The following RUBCN variants were observed in gnomAD, a reference collection of about 807,000 sequenced individuals.
The protein encoded by RUBCN is run domain Beclin-1-interacting and cysteine-rich domain-containing protein.
In RUBCN, 74 loss-of-function variants were observed where a neutral mutation model predicts 113.2. The ratio of observed to expected loss-of-function variants is 0.65; its 90% CI spans 0.54 to 0.79. RUBCN has a LOEUF of 0.79. RUBCN is among the 30% of genes least tolerant of loss of function. The pLI is 0.00. For synonymous variants in RUBCN, 480 were observed against 490.0 expected, an observed-to-expected ratio of 0.98 and a Z score of 0.27; for missense variants, 1,109 against 1,251.7, an observed-to-expected ratio of 0.89 and a Z score of 1.72.
intron 2 of RUBCN, among the ~76,000 whole-genome samples, chr3:197,711,561 A>G (rs2108939021): frequency 6.6e-6 from 1 of 152,290 alleles, no homozygotes; most frequent in South Asian, 2.1e-4. Flanking sequence ...AGGGCTGGGC[A>G]TGGTGGCTCA....
At chr3:197,718,174 T>C (rs759758220) in intron 1 of RUBCN, 44 bp from the exon 2 acceptor site, 1 of 1,609,166 alleles carries the variant, frequency 6.2e-7, no homozygotes, top group Non-Finnish European at 8.5e-7. Flanking sequence ...ACCTTTGCTG[T>C]ACTTGATCCT....
chr3:197,692,633 A>T (rs1398211863), intron 11 of RUBCN, among the ~76,000 whole-genome samples: 1 of 152,096 alleles, frequency 6.6e-6, no homozygotes, highest in Non-Finnish European at 1.5e-5. Flanking sequence ...ATTGGAGAGG[A>T]GTTGGAAAAT....
upstream of RUBCN, among the ~76,000 whole-genome samples, chr3:197,740,182 A>G (rs1410889393): frequency 6.6e-6 from 1 of 152,168 alleles, no homozygotes; most frequent in African/African-American, 2.4e-5. Context: ...TGCACTAGCC[A>G]TGCGTTACCT....
chr3:197,749,811 T>C (rs28373227), upstream of RUBCN: 2,241 of 474,758 alleles, frequency 4.7e-3, 28 homozygotes, highest in African/African-American at 0.04. Context: ...CGCCCGCGAG[T>C]GTCGGTGGCC....
At chr3:197,720,999 G>A (rs1156576891) in intron 1 of RUBCN, among the ~76,000 whole-genome samples, 1 of 151,838 alleles carries the variant, frequency 6.6e-6, no homozygotes, top group East Asian at 1.9e-4. Flanking sequence ...TTAATGTGCA[G>A]CGATTAGATT....
At chr3:197,696,817 G>T (rs1371347697) in intron 8 of RUBCN, 137 bp downstream of exon 8, 4 of 666,658 alleles carry the variant, frequency 6.0e-6, no homozygotes, top group Admixed American at 4.3e-5. Context: ...GGTTAAAAAT[G>T]ACAAAAGAGT....
intron 2 of RUBCN, among the ~76,000 whole-genome samples, chr3:197,717,443 C>CAAA (rs375835905): frequency 1.6e-5 from 2 of 124,258 alleles, no homozygotes; most frequent in African/African-American, 5.8e-5. Flanking sequence ...GACTCCGTCT[C>CAAA]AAAAAAAAAA....
In RUBCN at chr3:197,708,875, T is replaced by C. The variant is rs190380144; in HGVS notation, c.220-3700A>G. Among the ~76,000 whole-genome samples, 205 of 152,206 alleles carry C rather than the reference T, an allele frequency of 1.3e-3. 1 individual carries two copies. Among genetic ancestry groups the C allele is most frequent in the African/African-American group, 4.8e-3 (200 of 41,532 alleles). ...AGTAAAGGTAAGTCACTATAAAGAG[T>C]TGATACTGAATTAGGTGGAGGCAAG... is the stretch of plus-strand genomic sequence containing the variant. On this transcript the variant is annotated intron_variant, in intron 2 of 19. Coordinates refer to ENST00000296343, the MANE Select transcript of RUBCN (RefSeq NM_014687.4).
intron 1 of RUBCN, among the ~76,000 whole-genome samples, chr3:197,727,367 G>C (rs1209866595): frequency 6.6e-6 from 1 of 152,164 alleles, no homozygotes; most frequent in African/African-American, 2.4e-5. Flanking sequence ...TTATCATAGA[G>C]CAGAGAATAA....
intron 3 of RUBCN, 33 bp from the exon 4 acceptor site, chr3:197,704,734 C>T: frequency 6.2e-7 from 1 of 1,610,536 alleles, no homozygotes; most frequent in Non-Finnish European, 8.5e-7. Flanking sequence ...TCAAAACACA[C>T]ATCCTGGTAG....
intron 1 of RUBCN, among the ~76,000 whole-genome samples, chr3:197,742,652 T>A (rs1202485729): frequency 6.6e-6 from 1 of 152,212 alleles, no homozygotes; most frequent in Non-Finnish European, 1.5e-5. Context: ...GGCTGCTATG[T>A]GCAAGACGCT....
chr3:197,712,907 T>C (rs1725115439), intron 2 of RUBCN, among the ~76,000 whole-genome samples: 1 of 151,874 alleles, frequency 6.6e-6, no homozygotes, highest in African/African-American at 2.4e-5. Flanking sequence ...TCACCCAGGC[T>C]GGAGTGCAAT....
At chr3:197,706,458 G>A (rs373954680) in intron 2 of RUBCN, among the ~76,000 whole-genome samples, 29 of 152,132 alleles carry the variant, frequency 1.9e-4, no homozygotes, top group African/African-American at 4.1e-4. Context: ...TGAGGTGAGC[G>A]GATCACTTGA....
rs1487488355 is a variant in RUBCN, at chr3:197,717,585, G to A, written c.219+392C>T. ...CAAGGAAGTAGATTCTCTGTGGAGC[G>A]TCCAGAGGGTGTGTGGCCCTGCAGA... On this transcript the variant is annotated intron_variant, in intron 2 of 19. Coordinates refer to ENST00000296343, the MANE Select transcript of RUBCN (RefSeq NM_014687.4). Among the ~76,000 whole-genome samples the A allele has an allele frequency of 6.6e-5, 10 of 152,194 alleles. No individual in the cohort carries two copies. In the East Asian group the frequency reaches 9.6e-4, roughly 15 times the overall value.
chr3:197,681,914 G>A lies in RUBCN; in HGVS notation c.2127-15C>T. 6.2e-7 allele frequency: 1 copy of A among 1,611,602 alleles called. No homozygotes were observed. ...CAATTTTCCTCCTGAGGAAGGGTAAGGACAGGGCATTGGCACAGAGCAGCT... is the reference window on the plus strand; with the variant it reads ...CAATTTTCCTCCTGAGGAAGGGTAAAGACAGGGCATTGGCACAGAGCAGCT... On this transcript the variant is annotated splice_polypyrimidine_tract_variant and intron_variant, in intron 14 of 19. Transcript: ENST00000296343. The surrounding 1 kb of genome is among the most constrained non-coding windows in gnomAD (Gnocchi z 5.5).
intron 5 of RUBCN, among the ~76,000 whole-genome samples, chr3:197,703,335 T>C (rs564868910): frequency 5.6e-4 from 75 of 133,926 alleles, no homozygotes; most frequent in African/African-American, 2.1e-3. Flanking sequence ...GAGATAGAGG[T>C]TGCAGTGAGC....
intron 16 of RUBCN, among the ~76,000 whole-genome samples, chr3:197,679,877 C>T (rs1465145853): frequency 8.7e-5 from 13 of 148,996 alleles, no homozygotes; most frequent in African/African-American, 3.2e-4. Context: ...TGGCTCCAGA[C>T]TGTCCTGTGC....
chr3:197,708,646 G>A (rs901102820), intron 2 of RUBCN, among the ~76,000 whole-genome samples: 1 of 151,106 alleles, frequency 6.6e-6, no homozygotes, highest in Non-Finnish European at 1.5e-5. Context: ...AAGCACTCAA[G>A]TTGGGTATAG....
chr3:197,704,699 G>A lies in RUBCN; in HGVS notation c.306C>T (p.Phe102=). Residue 102 remains phenylalanine, a splice_region_variant and synonymous_variant, in exon 4 of 20, where the codon TTC becomes TTT. Coordinates refer to ENST00000296343, the MANE Select transcript of RUBCN (RefSeq NM_014687.4). ...SPHSALHVEK[F]ISVHENDQSS... The stretch of plus-strand genomic sequence containing the variant: ...TCTGGTCGTTCTCGTGCACGCTGAT[G>A]AACTGGGAAGCAAAGGGGCATGAGT... The A allele has an allele frequency of 6.2e-7, 1 of 1,613,614 alleles. No homozygotes were observed. The highest frequency in any genetic ancestry group is 8.5e-7 in the Non-Finnish European group (1 of 1,179,960).
Sources: allele counts gnomAD v4.1 joint callset (sites outside exome capture counted in the v4.1 genomes callset), GRCh38; gene constraint gnomAD v4.1.1; non-coding constraint Gnocchi (gnomAD v3.1); transcripts MANE v1.5; gene names NCBI Gene and HGNC (gene_info 2026-07-23, HGNC 2026-07-21).